JAZF1: variants seen among roughly 807,000 people sequenced by gnomAD.
JAZF1 encodes the protein juxtaposed with another zinc finger protein 1.
Under a neutral mutation model 26.4 loss-of-function variants are expected in JAZF1, and 8 were observed. The observed-to-expected ratio is 0.30, with a 90% CI of 0.18 to 0.55. The LOEUF (loss-of-function observed/expected upper bound fraction) is 0.55. Ranked by LOEUF, JAZF1 falls within the 20% of genes least tolerant of loss-of-function variation. JAZF1 has a pLI of 0.94. For missense variants in JAZF1, 199 were observed against 322.0 expected, an observed-to-expected ratio of 0.62 and a Z score of 2.92; for synonymous variants, 126 against 122.3, an observed-to-expected ratio of 1.03 and a Z score of -0.20.
intron 3 of JAZF1, among the ~76,000 whole-genome samples, chr7:27,873,829 T>C (rs923746016): frequency 2.0e-5 from 3 of 152,200 alleles, no homozygotes; most frequent in Non-Finnish European, 4.4e-5. Context: ...CTGTCTCTCT[T>C]CTAGAGAGTT....
chr7:28,025,363 G>A (rs186023884), intron 1 of JAZF1, among the ~76,000 whole-genome samples: 12 of 152,296 alleles, frequency 7.9e-5, no homozygotes, highest in Admixed American at 6.5e-5. Context: ...TCTCCATACA[G>A]CAACATCGTA....
chr7:27,987,720 T>G (rs957405565), intron 2 of JAZF1, among the ~76,000 whole-genome samples: 3 of 152,226 alleles, frequency 2.0e-5, no homozygotes, highest in Non-Finnish European at 4.4e-5. Flanking sequence ...GAACGGGCCA[T>G]GATGACGATG....
At position 27,844,380 on chromosome 7, in the gene JAZF1, C is replaced by T. The variant is rs1217592886; in HGVS notation, c.386-3513G>A. 2.0e-5 allele frequency: 3 copies of T among 152,342 alleles called. No homozygotes were observed. In the East Asian group the frequency reaches 5.8e-4, roughly 29 times the overall value. 9.4% of individuals were successfully genotyped at this position (152,342 alleles called of 1,614,324 possible). On this transcript the variant is annotated intron_variant, in intron 3 of 4. Coordinates refer to ENST00000283928, the MANE Select transcript of JAZF1 (RefSeq NM_175061.4). ...GTTCATTCATCTTCAATTGCTGCTT[C>T]AGCTGCTATCTCTCAACACTCACTG...
At chr7:28,110,446 GAAAAA>G (rs1278281539) in intron 1 of JAZF1, among the ~76,000 whole-genome samples, 4 of 62,022 alleles carry the variant, frequency 6.4e-5, no homozygotes, top group Non-Finnish European at 9.5e-5. Context: ...AAGAGAGAGA[GAAAAA>G]GGAAAGGAAA....
intron 2 of JAZF1, among the ~76,000 whole-genome samples, chr7:27,931,197 T>G (rs1348064505): frequency 6.6e-6 from 1 of 152,230 alleles, no homozygotes; most frequent in Non-Finnish European, 1.5e-5. Context: ...GTATTTCTGC[T>G]GCAATGACTT....
At chr7:28,014,282 G>A (rs1411318602) in intron 1 of JAZF1, among the ~76,000 whole-genome samples, 2 of 152,170 alleles carry the variant, frequency 1.3e-5, no homozygotes, top group Non-Finnish European at 2.9e-5. Context: ...CATCACCCAA[G>A]CCATTGAACA....
intron 1 of JAZF1, among the ~76,000 whole-genome samples, chr7:28,158,186 CAGAGAG>C (rs1554292394): frequency 7.0e-6 from 1 of 143,346 alleles, no homozygotes; most frequent in African/African-American, 2.6e-5. Context: ...CACACACACA[CAGAGAG>C]AGAGAGAGAG....
intron 3 of JAZF1, among the ~76,000 whole-genome samples, chr7:27,885,358 A>AT (rs1264019075): frequency 6.6e-6 from 1 of 152,194 alleles, no homozygotes; most frequent in Admixed American, 6.5e-5. Flanking sequence ...TAAAAGGGTT[A>AT]TTGCTACCTT....
chr7:27,910,142 T>C (rs1784336664), intron 2 of JAZF1, among the ~76,000 whole-genome samples: 1 of 152,212 alleles, frequency 6.6e-6, no homozygotes, highest in Admixed American at 6.5e-5. Flanking sequence ...TGAGAGTCTG[T>C]TATAATGTCA....
intron 2 of JAZF1, among the ~76,000 whole-genome samples, chr7:27,962,802 T>C (rs1318765690): frequency 1.3e-5 from 2 of 152,198 alleles, no homozygotes; most frequent in Non-Finnish European, 2.9e-5. Context: ...AACAGTAACA[T>C]GCTGAGGGGA....
chr7:28,160,717 C>G (rs899423875), intron 1 of JAZF1, among the ~76,000 whole-genome samples: 2 of 152,168 alleles, frequency 1.3e-5, no homozygotes, highest in African/African-American at 4.8e-5. Flanking sequence ...TTTATCGAAA[C>G]AGCTCCATAG....
chr7:28,002,823 G>A (rs754544086), intron 1 of JAZF1, among the ~76,000 whole-genome samples: 2 of 152,002 alleles, frequency 1.3e-5, no homozygotes, highest in South Asian at 2.1e-4. Context: ...CTTGAGCCAG[G>A]TGCATTCATG....
At chr7:27,992,209 C>T (rs749344800) in intron 1 of JAZF1, 13 of 603,314 alleles carry the variant, frequency 2.2e-5, no homozygotes, top group Non-Finnish European at 3.8e-5. Flanking sequence ...GATAAAATGT[C>T]CATCTGTCAC....
chr7:27,899,179 C>A (rs573094715), intron 2 of JAZF1, among the ~76,000 whole-genome samples: 8 of 152,332 alleles, frequency 5.3e-5, no homozygotes, highest in Admixed American at 2.6e-4. Flanking sequence ...AAAAGGTGGG[C>A]AGATTCCTAG....
intron 1 of JAZF1, among the ~76,000 whole-genome samples, chr7:28,114,708 G>A (rs1057083973): frequency 2.0e-5 from 3 of 151,248 alleles, no homozygotes; most frequent in African/African-American, 7.3e-5. Flanking sequence ...CCAGTCTGGT[G>A]AGGGACACAA....
intron 1 of JAZF1, chr7:28,118,166 C>T (rs768412998): frequency 6.6e-6 from 1 of 152,172 alleles, no homozygotes; most frequent in Non-Finnish European, 1.5e-5. Context: ...AAGGGCCATG[C>T]TAATCTTCTC....
chr7:28,031,736 T>C (rs570732588), intron 1 of JAZF1, among the ~76,000 whole-genome samples: 51 of 151,486 alleles, frequency 3.4e-4, no homozygotes, highest in African/African-American at 5.1e-4. Flanking sequence ...GTCATGGGGG[T>C]TGGGGGAAGG....
intron 1 of JAZF1, among the ~76,000 whole-genome samples, chr7:28,019,354 G>T (rs10273628): frequency 5.9e-5 from 9 of 152,130 alleles, no homozygotes; most frequent in East Asian, 1.9e-4. Context: ...AAGGCACGTA[G>T]GGTGGCAACC....
intron 1 of JAZF1, among the ~76,000 whole-genome samples, chr7:27,993,595 T>C (rs1040440568): frequency 6.6e-6 from 1 of 152,176 alleles, no homozygotes; most frequent in African/African-American, 2.4e-5. Context: ...ATTGGTATGC[T>C]GGGTGGGCCA....
Sources: allele counts gnomAD v4.1 joint callset (sites outside exome capture counted in the v4.1 genomes callset), GRCh38; gene constraint gnomAD v4.1.1; transcripts MANE v1.5; gene names NCBI Gene and HGNC (gene_info 2026-07-23, HGNC 2026-07-21).